Variants in KIAA1217 observed in about 807,000 individuals in gnomAD.
KIAA1217 encodes the protein KIAA1217.
KIAA1217 carries 88 observed loss-of-function variants against 163.9 expected under a neutral mutation model. The observed-to-expected ratio is 0.54, with a 90% CI of 0.45 to 0.64. The LOEUF (loss-of-function observed/expected upper bound fraction) is 0.64. Among genes scored for constraint, KIAA1217 ranks in the 30% least tolerant of loss-of-function variants. KIAA1217 has a pLI of 0.00. For synonymous variants in KIAA1217, 903 were observed against 923.1 expected (o/e 0.98, Z 0.39); for missense variants, 2,372 against 2,475.0 (o/e 0.96, Z 0.88).
intron 1 of KIAA1217, among the ~76,000 whole-genome samples, chr10:23,750,787 T>A (rs1302098198): frequency 2.0e-5 from 3 of 152,146 alleles, no homozygotes; most frequent in African/African-American, 7.2e-5. Context: ...AATAGCAGCA[T>A]CTTGGCAGAA....
chr10:24,517,206 C>T (rs1036385221), intron 10 of KIAA1217, among the ~76,000 whole-genome samples: 1 of 150,604 alleles, frequency 6.6e-6, no homozygotes, highest in East Asian at 1.9e-4. Flanking sequence ...TATCTATATA[C>T]ATATATATCC....
At chr10:23,837,739 C>T (rs1349070062) in intron 1 of KIAA1217, among the ~76,000 whole-genome samples, 1 of 152,078 alleles carries the variant, frequency 6.6e-6, no homozygotes, top group Non-Finnish European at 1.5e-5. Flanking sequence ...TGGGGTCTCA[C>T]TGTGTTGCCT....
chr10:23,855,420 C>T (rs1191430045), intron 1 of KIAA1217, among the ~76,000 whole-genome samples: 3 of 152,096 alleles, frequency 2.0e-5, no homozygotes, highest in South Asian at 2.1e-4. Flanking sequence ...GTGGGTAACC[C>T]GACCTTTCTG....
At chr10:23,784,528 T>C (rs1390336987) in intron 1 of KIAA1217, among the ~76,000 whole-genome samples, 1 of 151,746 alleles carries the variant, frequency 6.6e-6, no homozygotes, top group Non-Finnish European at 1.5e-5. Context: ...AGATCCTTTG[T>C]TCTTTATTTC....
intron 2 of KIAA1217, among the ~76,000 whole-genome samples, chr10:24,028,727 A>G: frequency 6.6e-6 from 1 of 152,276 alleles, no homozygotes; most frequent in South Asian, 2.1e-4. Context: ...TTTAGCACAT[A>G]TCCTCTTTAT....
intron 2 of KIAA1217, among the ~76,000 whole-genome samples, chr10:24,346,426 C>T (rs547302519): frequency 4.0e-4 from 60 of 151,626 alleles, no homozygotes; most frequent in African/African-American, 1.4e-3. Context: ...GAGCCGAGAT[C>T]GTGCCACTGC....
intron 2 of KIAA1217, among the ~76,000 whole-genome samples, chr10:24,188,809 A>G (rs2066566102): frequency 6.6e-6 from 1 of 152,176 alleles, no homozygotes; most frequent in African/African-American, 2.4e-5. Context: ...GATGAGTCAA[A>G]GCTTCATATT....
intron 5 of KIAA1217, chr10:24,466,926 A>G: frequency 3.8e-6 from 1 of 266,258 alleles, no homozygotes; most frequent in Non-Finnish European, 5.8e-6. Flanking sequence ...GGTTTGAAAT[A>G]CAACAAACTG....
At chr10:24,415,355 T>A (rs1356467330) in intron 3 of KIAA1217, among the ~76,000 whole-genome samples, 1 of 151,938 alleles carries the variant, frequency 6.6e-6, no homozygotes, top group African/African-American at 2.4e-5. Context: ...CCTCAGGTAA[T>A]CCACCCACCT....
chr10:24,298,471 G>A (rs1297720151), intron 2 of KIAA1217, among the ~76,000 whole-genome samples: 1 of 152,138 alleles, frequency 6.6e-6, no homozygotes, highest in Non-Finnish European at 1.5e-5. Context: ...GATAATAAAA[G>A]TTAAAGGCTC....
intron 2 of KIAA1217, among the ~76,000 whole-genome samples, chr10:24,305,030 G>A (rs901281534): frequency 6.6e-6 from 1 of 152,196 alleles, no homozygotes; most frequent in Non-Finnish European, 1.5e-5. Flanking sequence ...AGGTGAGGGA[G>A]CCTGATTAGA....
chr10:23,776,749 C>T (rs1160668412), intron 1 of KIAA1217, among the ~76,000 whole-genome samples: 9 of 137,446 alleles, frequency 6.5e-5, no homozygotes, highest in African/African-American at 1.9e-4. Context: ...GGTGTGATCT[C>T]GGCTCACTGC....
chr10:24,516,654 G>T (rs1423864858), intron 10 of KIAA1217, among the ~76,000 whole-genome samples: 1 of 152,174 alleles, frequency 6.6e-6, no homozygotes. Context: ...TTGGAGAGAG[G>T]TCCCTCTGGT....
chr10:24,159,296 A>T (rs999399617), intron 2 of KIAA1217, among the ~76,000 whole-genome samples: 6 of 152,144 alleles, frequency 3.9e-5, no homozygotes, highest in Non-Finnish European at 8.8e-5. Flanking sequence ...GCATTCTTTT[A>T]AAAAAACCTA....
chr10:23,776,376 A>G (rs1250168465), intron 1 of KIAA1217, among the ~76,000 whole-genome samples: 2 of 151,170 alleles, frequency 1.3e-5, no homozygotes, highest in African/African-American at 2.4e-5. Context: ...TTTTTCATCT[A>G]TGATGAAGAT....
chr10:23,985,271 A>G (rs1469458086), intron 1 of KIAA1217, among the ~76,000 whole-genome samples: 1 of 152,154 alleles, frequency 6.6e-6, no homozygotes, highest in African/African-American at 2.4e-5. Context: ...TCTTTGATTT[A>G]ATAAGAAACA....
intron 2 of KIAA1217, among the ~76,000 whole-genome samples, chr10:24,326,903 G>A: frequency 6.6e-6 from 1 of 152,202 alleles, no homozygotes; most frequent in East Asian, 1.9e-4. Flanking sequence ...TGTAAATGAT[G>A]CTTAATAATT....
At chr10:24,183,982 A>AT (rs776635759) in intron 2 of KIAA1217, among the ~76,000 whole-genome samples, 148 of 152,306 alleles carry the variant, frequency 9.7e-4, no homozygotes, top group Non-Finnish European at 1.6e-3. Context: ...TTACAAAAAC[A>AT]TATCTCCCCT....
At chr10:24,058,007 C>A (rs1203292383) in intron 2 of KIAA1217, among the ~76,000 whole-genome samples, 1 of 152,084 alleles carries the variant, frequency 6.6e-6, no homozygotes, top group Non-Finnish European at 1.5e-5. Flanking sequence ...TCCCTGTTTT[C>A]TTCTAGGAAA....
Sources: gnomAD v4.1 joint callset for allele counts (sites outside exome capture counted in the v4.1 genomes callset) on GRCh38, gnomAD v4.1.1 for gene constraint, MANE v1.5 for transcripts, NCBI Gene and HGNC (gene_info 2026-07-23, HGNC 2026-07-21) for gene names.